The following STX12 variants were observed in gnomAD, a reference collection of about 807,000 sequenced individuals.
STX12 encodes the protein syntaxin-12.
Under a neutral mutation model 42.2 loss-of-function variants are expected in STX12, and 17 were observed. The ratio of observed to expected loss-of-function variants is 0.40; its 90% CI spans 0.28 to 0.60. The LOEUF is 0.60. Among genes scored for constraint, STX12 ranks in the 20% least tolerant of loss-of-function variants. The pLI is 0.39. For missense variants in STX12, 297 were observed against 330.9 expected (o/e 0.90, Z 0.79); for synonymous variants, 108 against 116.7 (o/e 0.93, Z 0.48).
At chr1:27,793,760 T>G (rs2088765384) in intron 3 of STX12, 128 bp downstream of exon 3, 5 of 642,852 alleles carry the variant, frequency 7.8e-6, no homozygotes, top group Non-Finnish European at 1.3e-5. Flanking sequence ...GCACCTCAGT[T>G]TCTTATCCAT....
intron 4 of STX12, among the ~76,000 whole-genome samples, chr1:27,807,239 A>G (rs1215233767): frequency 2.0e-5 from 3 of 152,164 alleles, no homozygotes; most frequent in East Asian, 3.9e-4. Flanking sequence ...ATTTTTGAAT[A>G]TATAATTAAA....
intron 1 of STX12, among the ~76,000 whole-genome samples, chr1:27,789,159 A>G (rs1197415017): frequency 1.3e-5 from 2 of 152,230 alleles, no homozygotes; most frequent in African/African-American, 4.8e-5. Context: ...AGTAATAAGT[A>G]TACATTGTCT....
intron 1 of STX12, among the ~76,000 whole-genome samples, chr1:27,787,214 G>C (rs2088704854): frequency 6.6e-6 from 1 of 152,136 alleles, no homozygotes; most frequent in East Asian, 1.9e-4. Flanking sequence ...GGAAATGTTT[G>C]CTTTGTATCC....
At chr1:27,779,632 T>C (rs1454295608) in intron 1 of STX12, among the ~76,000 whole-genome samples, 1 of 151,926 alleles carries the variant, frequency 6.6e-6, no homozygotes. Flanking sequence ...GTGCCTGGCC[T>C]GAATCAGATC....
chr1:27,788,684 C>T (rs1480725552), intron 1 of STX12, among the ~76,000 whole-genome samples: 1 of 152,124 alleles, frequency 6.6e-6, no homozygotes, highest in African/African-American at 2.4e-5. Flanking sequence ...TACTTAATCT[C>T]TCTAAATACA....
intron 4 of STX12, among the ~76,000 whole-genome samples, chr1:27,809,460 C>CT (rs561726749): frequency 0.14 from 17,866 of 129,966 alleles, 3,220 homozygotes; most frequent in African/African-American, 0.39. Flanking sequence ...CTCATATACT[C>CT]TTTTTTTTTT....
intron 3 of STX12, 38 bp downstream of exon 3, chr1:27,793,670 CTT>C: frequency 6.4e-7 from 1 of 1,557,504 alleles, no homozygotes. Flanking sequence ...TAGGAAAGGA[CTT>C]TGTGTTAGTA....
Position 27,774,522 on chromosome 1 carries a change from T to A in STX12, c.118+1097T>A, listed in dbSNP as rs766846. Among the ~76,000 whole-genome samples the A allele has an allele frequency of 1.5e-3, 230 of 152,298 alleles. 1 individual carries two copies. The highest frequency in any genetic ancestry group is 5.1e-3 in the African/African-American group (211 of 41,580). ...CACTTTGCTTTCGTTTTTAAACTTT[T>A]AAAAATTTTTCTTTTTTGTAGAGAT... On this transcript the variant is annotated intron_variant, in intron 1 of 8. Transcript: ENST00000373943.
At position 27,791,256 on chromosome 1, in the gene STX12, C is replaced by T. The variant is rs559706584; in HGVS notation, c.188+1625C>T. Reference sequence around the variant, plus strand: ...AGCCTGGGTGACAAGAGCGAAACTCCGTCTCAAAATAAATAAATAAATAAA... The same window carrying T: ...AGCCTGGGTGACAAGAGCGAAACTCTGTCTCAAAATAAATAAATAAATAAA... On this transcript the variant is annotated intron_variant, in intron 2 of 8. Coordinates refer to ENST00000373943, the MANE Select transcript of STX12 (RefSeq NM_177424.3). Among the ~76,000 whole-genome samples the T allele has an allele frequency of 9.2e-5, 14 of 152,030 alleles. No homozygotes were observed. The South Asian group carries it at 2.5e-3, about 27-fold the overall frequency.
At chr1:27,806,435 C>T (rs1216477064) in intron 4 of STX12, among the ~76,000 whole-genome samples, 1 of 152,178 alleles carries the variant, frequency 6.6e-6, no homozygotes, top group Non-Finnish European at 1.5e-5. Context: ...AGTTCCATTA[C>T]ACAAGTGCTT....
At position 27,788,395 on chromosome 1, in the gene STX12, G is replaced by A. The variant is rs376982945; in HGVS notation, c.119-1167G>A. Among the ~76,000 whole-genome samples the A allele has an allele frequency of 3.7e-4, 57 of 152,296 alleles. 1 individual carries two copies. Among genetic ancestry groups the A allele is most frequent in the Admixed American group, 7.2e-4 (11 of 15,298 alleles). ...CAGGAGTGTTCAGAGTCCCAGGCAG[G>A]CTGGCGTTAGAGTGTTCCTCCTTAT... On this transcript the variant is annotated intron_variant, in intron 1 of 8. Transcript: ENST00000373943.
At chr1:27,806,429 C>G (rs892930756) in intron 4 of STX12, among the ~76,000 whole-genome samples, 3 of 152,158 alleles carry the variant, frequency 2.0e-5, no homozygotes. Flanking sequence ...GCCTGCAGTT[C>G]CATTACACAA....
intron 1 of STX12, among the ~76,000 whole-genome samples, chr1:27,788,177 C>T (rs1283690003): frequency 6.6e-6 from 1 of 152,180 alleles, no homozygotes; most frequent in Non-Finnish European, 1.5e-5. Context: ...ATGTTCTGTA[C>T]TCCAGCTACT....
chr1:27,785,955 G>T (rs1353429311), intron 1 of STX12, among the ~76,000 whole-genome samples: 2 of 152,098 alleles, frequency 1.3e-5, no homozygotes, highest in African/African-American at 4.8e-5. Flanking sequence ...AAGTAGGGTG[G>T]GGCTAAGTGG....
intron 3 of STX12, among the ~76,000 whole-genome samples, chr1:27,800,488 G>GGTGTGT (rs57488710): frequency 6.4e-4 from 90 of 140,986 alleles, no homozygotes; most frequent in South Asian, 2.1e-3. Flanking sequence ...GTCAGTATGT[G>GGTGTGT]GTGTGTGTGT....
chr1:27,789,452 A>G, intron 1 of STX12, 110 bp from the exon 2 acceptor site: 1 of 696,590 alleles, frequency 1.4e-6, no homozygotes, highest in Non-Finnish European at 2.3e-6. Context: ...TATTAGTTGC[A>G]TGTATTAATA....
chr1:27,781,295 C>T (rs1358442854), intron 1 of STX12, among the ~76,000 whole-genome samples: 2 of 152,118 alleles, frequency 1.3e-5, no homozygotes, highest in Non-Finnish European at 2.9e-5. Context: ...TTGCCCACTG[C>T]AGCCTCCCAA....
At chr1:27,807,220 CTT>C (rs1159380664) in intron 4 of STX12, among the ~76,000 whole-genome samples, 1 of 152,178 alleles carries the variant, frequency 6.6e-6, no homozygotes, top group African/African-American at 2.4e-5. Flanking sequence ...CAATTATACT[CTT>C]TTAGTTATTT....
At chr1:27,779,869 A>G (rs12564464) in intron 1 of STX12, among the ~76,000 whole-genome samples, 25,955 of 150,906 alleles carry the variant, frequency 0.17, 5,924 homozygotes, top group African/African-American at 0.52. Flanking sequence ...TCGGCTCACC[A>G]CAACCTCTGC....
Sources: gnomAD v4.1 joint callset for allele counts (sites outside exome capture counted in the v4.1 genomes callset) on GRCh38, gnomAD v4.1.1 for gene constraint, MANE v1.5 for transcripts, NCBI Gene and HGNC (gene_info 2026-07-23, HGNC 2026-07-21) for gene names.